CNTN3: variants seen among roughly 807,000 people sequenced by gnomAD.
The protein encoded by CNTN3 is contactin-3.
Under a neutral mutation model 119.1 loss-of-function variants are expected in CNTN3, and 60 were observed. The observed-to-expected ratio is 0.50, with a 90% CI of 0.41 to 0.62. The LOEUF (loss-of-function observed/expected upper bound fraction) is 0.62. Among genes scored for constraint, CNTN3 ranks in the 20% least tolerant of loss-of-function variants. The pLI is 0.00. For synonymous variants in CNTN3, 450 were observed against 438.7 expected (o/e 1.03, Z -0.32); for missense variants, 1,101 against 1,242.4 (o/e 0.89, Z 1.71).
intron 13 of CNTN3, among the ~76,000 whole-genome samples, chr3:74,324,777 T>C (rs1703088264): frequency 6.6e-6 from 1 of 152,122 alleles, no homozygotes; most frequent in African/African-American, 2.4e-5. Context: ...GTAGACTTGT[T>C]TGATTACTCA....
intron 1 of CNTN3, among the ~76,000 whole-genome samples, chr3:74,522,002 C>G (rs1703550136): frequency 6.6e-6 from 1 of 151,802 alleles, no homozygotes. Flanking sequence ...ACGGGTACAA[C>G]TCTCTGATTC....
chr3:74,322,200 A>C (rs1012292664), intron 13 of CNTN3, among the ~76,000 whole-genome samples: 2 of 151,858 alleles, frequency 1.3e-5, no homozygotes, highest in African/African-American at 2.4e-5. Context: ...ATGTTAACAG[A>C]ATGAGAAGAT....
intron 1 of CNTN3, among the ~76,000 whole-genome samples, chr3:74,594,621 T>C (rs1412598661): frequency 6.6e-6 from 1 of 152,196 alleles, no homozygotes; most frequent in African/African-American, 2.4e-5. Context: ...ACAAAGGACA[T>C]GAACTCATCA....
chr3:74,393,832 C>G (rs1704977839), intron 5 of CNTN3, among the ~76,000 whole-genome samples: 2 of 152,162 alleles, frequency 1.3e-5, no homozygotes, highest in South Asian at 4.1e-4. Context: ...CACTACCCAT[C>G]AATGAACACA....
At chr3:74,463,476 T>C (rs1702408192) in intron 4 of CNTN3, among the ~76,000 whole-genome samples, 1 of 152,058 alleles carries the variant, frequency 6.6e-6, no homozygotes, top group African/African-American at 2.4e-5. Flanking sequence ...CCATGGTTCT[T>C]TCTCTCATTA....
chr3:74,285,769 T>C (rs1702098113), intron 19 of CNTN3, among the ~76,000 whole-genome samples: 1 of 126,376 alleles, frequency 7.9e-6, no homozygotes, highest in Non-Finnish European at 1.6e-5. Flanking sequence ...TATGAGATTA[T>C]AAGTGGGAGA....
At chr3:74,411,451 A>C (rs770481531) in intron 5 of CNTN3, among the ~76,000 whole-genome samples, 4 of 152,158 alleles carry the variant, frequency 2.6e-5, no homozygotes, top group Admixed American at 6.6e-5. Flanking sequence ...TAAGTTTAGG[A>C]AATGTTGCAT....
chr3:74,342,751 A>T (rs1703578661), intron 11 of CNTN3, among the ~76,000 whole-genome samples: 1 of 152,216 alleles, frequency 6.6e-6, no homozygotes, highest in South Asian at 2.1e-4. Flanking sequence ...AGTTTTTCCT[A>T]CTAAAATGGA....
chr3:74,472,471 C>A (rs1253540526), intron 4 of CNTN3, among the ~76,000 whole-genome samples: 1 of 152,078 alleles, frequency 6.6e-6, no homozygotes, highest in East Asian at 1.9e-4. Flanking sequence ...TACTGTGAGA[C>A]CATGGATATC....
intron 13 of CNTN3, among the ~76,000 whole-genome samples, chr3:74,328,883 T>TA (rs1453651093): frequency 6.6e-6 from 1 of 152,214 alleles, no homozygotes; most frequent in East Asian, 1.9e-4. Context: ...TGAATTTGTT[T>TA]CTGGGTACAT....
In CNTN3 at chr3:74,408,243, A is replaced by G. The variant is rs146881316; in HGVS notation, c.454+16602T>C. 2.0e-3 allele frequency among the ~76,000 whole-genome samples: 311 copies of G among 152,330 alleles called. 1 individual carries two copies. The highest frequency in any genetic ancestry group is 7.1e-3 in the African/African-American group (295 of 41,578). On this transcript the variant is annotated intron_variant, in intron 5 of 22. Transcript: ENST00000263665. ...TAAATCCCTGGATTTAAGACTAGGAATATTTCTGAGATGCTTTTGAAAATC... is the reference window on the plus strand; with the variant it reads ...TAAATCCCTGGATTTAAGACTAGGAGTATTTCTGAGATGCTTTTGAAAATC...
intron 1 of CNTN3, among the ~76,000 whole-genome samples, chr3:74,596,141 A>T (rs1437720698): frequency 6.6e-6 from 1 of 152,158 alleles, no homozygotes; most frequent in Non-Finnish European, 1.5e-5. Flanking sequence ...GACGTGAAGG[A>T]CCTCTTCAAG....
intron 1 of CNTN3, among the ~76,000 whole-genome samples, chr3:74,596,428 T>A (rs1298541360): frequency 6.6e-6 from 1 of 152,116 alleles, no homozygotes; most frequent in Non-Finnish European, 1.5e-5. Flanking sequence ...GCTACCTGAC[T>A]TCAAACTATA....
intron 1 of CNTN3, among the ~76,000 whole-genome samples, chr3:74,591,465 G>A (rs1704701799): frequency 6.6e-6 from 1 of 151,948 alleles, no homozygotes; most frequent in Admixed American, 6.6e-5. Context: ...GGAAAGTGGT[G>A]TGAAGACAGC....
intron 13 of CNTN3, among the ~76,000 whole-genome samples, chr3:74,306,954 T>C (rs1395215735): frequency 6.6e-6 from 1 of 152,124 alleles, no homozygotes; most frequent in Non-Finnish European, 1.5e-5. Context: ...AATGTAAAAT[T>C]ATAATGTAAT....
intron 4 of CNTN3, among the ~76,000 whole-genome samples, chr3:74,455,996 T>C (rs1319342932): frequency 1.3e-5 from 2 of 152,098 alleles, no homozygotes; most frequent in African/African-American, 4.8e-5. Flanking sequence ...CATAGATTAT[T>C]ACACATATGT....
chr3:74,595,224 T>G (rs1704784515), intron 1 of CNTN3, among the ~76,000 whole-genome samples: 1 of 151,744 alleles, frequency 6.6e-6, no homozygotes, highest in Non-Finnish European at 1.5e-5. Flanking sequence ...TTGCAAAAAT[T>G]TTCTCCCATT....
In CNTN3 at chr3:74,298,078, T is replaced by A; in HGVS notation, c.2280A>T (p.Arg760Ser). ...CGATGCTTTCATTCCTAAAGACATA[T>A]CTTGGGGTGTCAGGGGATGTCACCA... ...QTVVTSPDTP[R>S]YVFRNESIVP... The change falls in exon 18 of 23, where the codon AGA (arginine) becomes AGT (serine). Residue 760 changes from arginine to serine, a missense_variant. Transcript: ENST00000263665. The A allele has an allele frequency of 6.2e-7, 1 of 1,614,056 alleles. No homozygotes were observed. Among genetic ancestry groups the A allele is most frequent in the Non-Finnish European group, 8.5e-7 (1 of 1,179,944 alleles).
At position 74,521,140 on chromosome 3, in the gene CNTN3, C is replaced by A; in HGVS notation, c.-28G>T. 3 of 1,464,608 alleles carry A rather than the reference C, an allele frequency of 2.0e-6. No individual in the cohort carries two copies. The highest frequency in any genetic ancestry group is 1.4e-5 in the African/African-American group (1 of 70,668). The allele number at this position is 1,464,608 out of a possible 1,614,324, so 90.7% of individuals were successfully genotyped here. A position where few individuals can be genotyped will look rare whatever the true frequency, so the allele number is the denominator to read the frequency against. The stretch of plus-strand genomic sequence containing the variant: ...TTAATTGCCAAATGCAAGAGTAACT[C>A]TTGTCCAGTCTCTGATGAATAGAAT... On this transcript the variant is annotated 5_prime_UTR_variant, in exon 2 of 23. Coordinates refer to ENST00000263665, the MANE Select transcript of CNTN3 (RefSeq NM_020872.3).
Sources: gnomAD v4.1 joint callset for allele counts (sites outside exome capture counted in the v4.1 genomes callset) on GRCh38, gnomAD v4.1.1 for gene constraint, MANE v1.5 for transcripts, NCBI Gene and HGNC (gene_info 2026-07-23, HGNC 2026-07-21) for gene names.